Variants in MAD1L1 observed in about 807,000 individuals in gnomAD.
The protein encoded by MAD1L1 is mitotic arrest deficient 1 like 1.
A neutral mutation model predicts 96.9 loss-of-function variants in MAD1L1; 95 were observed. The observed-to-expected ratio is 0.98, with a 90% CI of 0.83 to 1.16. The LOEUF is 1.16. Among genes scored for constraint, MAD1L1 ranks in the 50% most tolerant of loss-of-function variants. MAD1L1 has a pLI of 0.00. For synonymous variants in MAD1L1, 473 were observed against 396.6 expected, an observed-to-expected ratio of 1.19 and a Z score of -2.29; for missense variants, 1,007 against 954.4, an observed-to-expected ratio of 1.06 and a Z score of -0.73.
intron 15 of MAD1L1, among the ~76,000 whole-genome samples, chr7:1,967,330 G>A (rs1285290159): frequency 6.6e-6 from 1 of 152,112 alleles, no homozygotes; most frequent in East Asian, 1.9e-4. Flanking sequence ...AAAGCAGGAA[G>A]CATGAAAAGG....
At chr7:1,987,914 A>G (rs1420831406) in intron 14 of MAD1L1, among the ~76,000 whole-genome samples, 1 of 152,132 alleles carries the variant, frequency 6.6e-6, no homozygotes, top group Non-Finnish European at 1.5e-5. Context: ...CAGGCACGGG[A>G]CCATGTCTGA....
intron 11 of MAD1L1, among the ~76,000 whole-genome samples, chr7:2,083,072 C>T (rs1185499469): frequency 6.6e-6 from 1 of 152,210 alleles, no homozygotes; most frequent in African/African-American, 2.4e-5. Context: ...CGCGTGACGT[C>T]CTGGGTACCC....
chr7:2,068,766 C>G (rs1283276656), intron 12 of MAD1L1, among the ~76,000 whole-genome samples: 1 of 152,240 alleles, frequency 6.6e-6, no homozygotes, highest in Non-Finnish European at 1.5e-5. Flanking sequence ...GAGCCACCCA[C>G]AGGTGGGGCA....
At chr7:2,197,413 A>G (rs1264257142) in intron 10 of MAD1L1, among the ~76,000 whole-genome samples, 2 of 152,136 alleles carry the variant, frequency 1.3e-5, no homozygotes, top group South Asian at 2.1e-4. Context: ...CCAGTGAAGA[A>G]GAGGAAGAAA....
chr7:2,205,461 G>A (rs188091558), intron 10 of MAD1L1, among the ~76,000 whole-genome samples: 22 of 152,212 alleles, frequency 1.4e-4, no homozygotes, highest in Admixed American at 1.4e-3. Context: ...CTGGACTTGT[G>A]ACCCCATCTC....
intron 5 of MAD1L1, 36 bp downstream of exon 5, chr7:2,222,539 G>C: frequency 6.6e-7 from 1 of 1,511,824 alleles, no homozygotes; most frequent in Non-Finnish European, 8.8e-7. Context: ...CTCTCCTCGG[G>C]AAAACAGCTC....
intron 16 of MAD1L1, among the ~76,000 whole-genome samples, chr7:1,944,592 A>C (rs1329676000): frequency 1.3e-5 from 2 of 152,156 alleles, no homozygotes; most frequent in Non-Finnish European, 2.9e-5. Flanking sequence ...GGGCTCCGTA[A>C]GGAAATGTCC....
intron 18 of MAD1L1, among the ~76,000 whole-genome samples, chr7:1,853,138 A>G (rs767949604): frequency 2.2e-4 from 33 of 152,206 alleles, no homozygotes; most frequent in Non-Finnish European, 4.1e-4. Flanking sequence ...TGAGACCCCA[A>G]GGATGTACAG....
intron 12 of MAD1L1, among the ~76,000 whole-genome samples, chr7:2,037,076 C>T (rs1783471895): frequency 6.6e-6 from 1 of 152,190 alleles, no homozygotes; most frequent in Admixed American, 6.5e-5. Context: ...TGAGCTTCCA[C>T]GCGCCCACGA....
intron 5 of MAD1L1, among the ~76,000 whole-genome samples, chr7:2,222,369 C>T (rs961032778): frequency 2.6e-5 from 4 of 152,160 alleles, no homozygotes; most frequent in Non-Finnish European, 4.4e-5. Flanking sequence ...CGTGAGCCAC[C>T]GCGCCCGGCC....
chr7:1,874,898 C>T (rs989761990), intron 18 of MAD1L1, among the ~76,000 whole-genome samples: 11 of 152,250 alleles, frequency 7.2e-5, no homozygotes, highest in Non-Finnish European at 1.2e-4. Context: ...GGCCACACCC[C>T]AGGCCTGGCC....
intron 18 of MAD1L1, among the ~76,000 whole-genome samples, chr7:1,876,301 C>T (rs539883019): frequency 6.6e-6 from 1 of 152,276 alleles, no homozygotes; most frequent in African/African-American, 2.4e-5. Context: ...TGGTCAACTG[C>T]AGCCCAAGGT....
chr7:2,077,142 G>A (rs1474649346), intron 11 of MAD1L1, among the ~76,000 whole-genome samples: 1 of 152,148 alleles, frequency 6.6e-6, no homozygotes, highest in African/African-American at 2.4e-5. Context: ...TGAGCTCGCA[G>A]CACGGTGAGC....
At chr7:1,850,668 C>T (rs1783921542) in intron 18 of MAD1L1, among the ~76,000 whole-genome samples, 1 of 152,172 alleles carries the variant, frequency 6.6e-6, no homozygotes. Flanking sequence ...TGCCCAAGTT[C>T]GCAGAGGGGA....
chr7:2,221,464 G>A (rs943410647), intron 5 of MAD1L1, among the ~76,000 whole-genome samples: 16 of 151,712 alleles, frequency 1.1e-4, no homozygotes, highest in African/African-American at 3.9e-4. Flanking sequence ...GCCAGTTTCT[G>A]GACCCCTCCA....
intron 11 of MAD1L1, among the ~76,000 whole-genome samples, chr7:2,095,897 G>A (rs1786463533): frequency 6.6e-6 from 1 of 152,254 alleles, no homozygotes. Context: ...CTGAAGGAGA[G>A]AGGCGAGGTG....
At chr7:2,122,343 C>A (rs879672) in intron 11 of MAD1L1, among the ~76,000 whole-genome samples, 82,387 of 152,090 alleles carry the variant, frequency 0.54, 24,470 homozygotes, top group South Asian at 0.7. Flanking sequence ...ACAGCCAATC[C>A]CTGGCTGGGT....
intron 12 of MAD1L1, among the ~76,000 whole-genome samples, chr7:2,059,114 T>C (rs1336621237): frequency 1.2e-5 from 1 of 86,728 alleles, no homozygotes; most frequent in Admixed American, 1.3e-4. Flanking sequence ...AGAGGGAGTG[T>C]GGCCAGACGA....
At chr7:1,879,904 G>A (rs1370228581) in intron 18 of MAD1L1, among the ~76,000 whole-genome samples, 2 of 152,094 alleles carry the variant, frequency 1.3e-5, no homozygotes, top group African/African-American at 4.8e-5. Context: ...CTAATTTTTC[G>A]TATTTTTAGC....
Sources: gnomAD v4.1 joint callset for allele counts (sites outside exome capture counted in the v4.1 genomes callset) on GRCh38, gnomAD v4.1.1 for gene constraint, MANE v1.5 for transcripts, NCBI Gene and HGNC (gene_info 2026-07-23, HGNC 2026-07-21) for gene names.